FANK1: variants seen among roughly 807,000 people sequenced by gnomAD.
The protein encoded by FANK1 is fibronectin type III and ankyrin repeat domains 1.
A neutral mutation model predicts 45.3 loss-of-function variants in FANK1; 44 were observed. The ratio of observed to expected loss-of-function variants is 0.97; its 90% CI spans 0.76 to 1.25. FANK1 has a LOEUF of 1.25. Among genes scored for constraint, FANK1 ranks in the 50% most tolerant of loss-of-function variants. FANK1 has a pLI of 0.00. For missense variants in FANK1, 391 were observed against 424.4 expected, an observed-to-expected ratio of 0.92 and a Z score of 0.69; for synonymous variants, 149 against 152.5, an observed-to-expected ratio of 0.98 and a Z score of 0.17.
At chr10:125,987,907 G>C (rs1457296247) in intron 2 of FANK1, among the ~76,000 whole-genome samples, 2 of 152,180 alleles carry the variant, frequency 1.3e-5, no homozygotes, top group Non-Finnish European at 2.9e-5. Context: ...ACTTCCCTCT[G>C]GAGGTGTGTG....
intron 1 of FANK1, among the ~76,000 whole-genome samples, chr10:125,897,797 T>C (rs2134094786): frequency 6.6e-6 from 1 of 152,306 alleles, no homozygotes; most frequent in Non-Finnish European, 1.5e-5. Context: ...TTTTGTTTTA[T>C]GTCAAACTGA....
At chr10:125,971,953 C>T (rs1950549384) in intron 1 of FANK1, among the ~76,000 whole-genome samples, 1 of 152,062 alleles carries the variant, frequency 6.6e-6, no homozygotes, top group African/African-American at 2.4e-5. Context: ...TATATCTCTA[C>T]TCTTAAGAGG....
chr10:125,967,436 GTC>G (rs1193931080), intron 1 of FANK1, among the ~76,000 whole-genome samples: 1 of 152,182 alleles, frequency 6.6e-6, no homozygotes, highest in Non-Finnish European at 1.5e-5. Context: ...CTCATACAAA[GTC>G]TTGTGAAAAC....
At chr10:125,962,886 T>TA (rs1564918330) in intron 1 of FANK1, among the ~76,000 whole-genome samples, 1 of 152,148 alleles carries the variant, frequency 6.6e-6, no homozygotes, top group Non-Finnish European at 1.5e-5. Flanking sequence ...AATTCTCACA[T>TA]AATTTGCACC....
chr10:125,962,735 C>T (rs181071408), intron 1 of FANK1, among the ~76,000 whole-genome samples: 1 of 152,124 alleles, frequency 6.6e-6, no homozygotes, highest in East Asian at 1.9e-4. Context: ...CTAATTGTGT[C>T]ATAGATGTCA....
intron 1 of FANK1, among the ~76,000 whole-genome samples, chr10:125,953,684 T>G (rs1015023906): frequency 3.9e-5 from 6 of 152,154 alleles, no homozygotes; most frequent in African/African-American, 1.4e-4. Flanking sequence ...CTAAGTTGTA[T>G]TTTTTTCATT....
At chr10:125,985,907 T>C (rs1041250312) in intron 2 of FANK1, among the ~76,000 whole-genome samples, 2 of 152,174 alleles carry the variant, frequency 1.3e-5, no homozygotes, top group African/African-American at 4.8e-5. Context: ...ACTGTCTTAC[T>C]AGGTGGCCTC....
At position 125,920,667 on chromosome 10, in the gene FANK1, A is replaced by C. The variant is rs563539487; in HGVS notation, c.13+24012A>C. 3.9e-5 allele frequency among the ~76,000 whole-genome samples: 6 copies of C among 152,354 alleles called. No individual in the cohort carries two copies. The South Asian group carries it at 1.2e-3, about 32-fold the overall frequency. ...CAGCCGCTGTAGCTGCTGTTGACCC[A>C]GAGGAACCACTGGGATCCTCACATC... On this transcript the variant is annotated intron_variant, in intron 1 of 10. Coordinates refer to ENST00000368693, the MANE Select transcript of FANK1 (RefSeq NM_145235.5).
intron 1 of FANK1, among the ~76,000 whole-genome samples, chr10:125,912,443 AGT>A (rs60956003): frequency 0.12 from 17,537 of 146,770 alleles, 1,233 homozygotes; most frequent in Admixed American, 0.25. Flanking sequence ...GCACCACCAA[AGT>A]GTGTGTGTGT....
intron 2 of FANK1, chr10:125,980,664 G>A (rs190640278): frequency 1.8e-5 from 5 of 273,514 alleles, no homozygotes; most frequent in East Asian, 1.0e-4. Flanking sequence ...GTTCACTGAC[G>A]TGGAATGGCC....
chr10:126,005,977 T>G (rs926666559), intron 7 of FANK1, among the ~76,000 whole-genome samples: 1 of 152,224 alleles, frequency 6.6e-6, no homozygotes, highest in African/African-American at 2.4e-5. Context: ...CTATAGATAT[T>G]TGAAGATGGG....
At chr10:125,971,512 T>C (rs1950511564) in intron 1 of FANK1, among the ~76,000 whole-genome samples, 1 of 152,034 alleles carries the variant, frequency 6.6e-6, no homozygotes, top group Non-Finnish European at 1.5e-5. Context: ...CCAAGTTTTC[T>C]TGATCATTTA....
chr10:125,926,316 GT>G (rs539590257), intron 1 of FANK1, among the ~76,000 whole-genome samples: 2 of 151,438 alleles, frequency 1.3e-5, no homozygotes, highest in South Asian at 4.2e-4. Context: ...TGCACTTTTA[GT>G]TTTTTTTGTG....
At chr10:125,970,306 C>T (rs571959379) in intron 1 of FANK1, among the ~76,000 whole-genome samples, 24 of 151,510 alleles carry the variant, frequency 1.6e-4, no homozygotes, top group African/African-American at 2.2e-4. Context: ...GCCTCCCAGA[C>T]GGGGCGGCGG....
At chr10:125,936,856 T>C (rs1024615199) in intron 1 of FANK1, among the ~76,000 whole-genome samples, 3 of 151,922 alleles carry the variant, frequency 2.0e-5, no homozygotes, top group Admixed American at 1.3e-4. Context: ...TCACCCGAGG[T>C]TGGGAGTTGG....
chr10:125,918,275 G>A (rs1282992991), intron 1 of FANK1, among the ~76,000 whole-genome samples: 9 of 151,514 alleles, frequency 5.9e-5, no homozygotes, highest in Admixed American at 2.0e-4. Context: ...GGTTAAAATC[G>A]GGCTGGGCAC....
Position 125,996,617 on chromosome 10 carries a change from T to C in FANK1, c.466T>C (p.Tyr156His), listed in dbSNP as rs1360054468. 6.2e-7 allele frequency: 1 copy of C among 1,613,952 alleles called. No individual in the cohort carries two copies. Among genetic ancestry groups the C allele is most frequent in the Non-Finnish European group, 8.5e-7 (1 of 1,179,914 alleles). The change falls in exon 5 of 11, where the codon TAC becomes CAC. Residue 156 changes from tyrosine (Y) to histidine (H), a missense_variant. By Grantham distance (83) the Tyr-to-His change is moderately conservative. Transcript: ENST00000368693. ...TCTGATGGTTGCTGCCCAGAAAGGATACACCAGGTATGGCTCTTCTTTTTT... is the reference window on the plus strand; with the variant it reads ...TCTGATGGTTGCTGCCCAGAAAGGACACACCAGGTATGGCTCTTCTTTTTT... ...TALMVAAQKG[Y>H]TRLVKILVSN...
At chr10:125,975,123 T>C (rs1950776770) in intron 1 of FANK1, among the ~76,000 whole-genome samples, 1 of 152,234 alleles carries the variant, frequency 6.6e-6, no homozygotes, top group Non-Finnish European at 1.5e-5. Flanking sequence ...TGCATTAGAT[T>C]GCTAAAGATG....
chr10:125,981,886 T>C (rs969092751), intron 2 of FANK1, among the ~76,000 whole-genome samples: 3 of 152,334 alleles, frequency 2.0e-5, no homozygotes, highest in Admixed American at 6.5e-5. Context: ...GATATGTTTA[T>C]GTGTATGTGT....
Sources: allele counts gnomAD v4.1 joint callset (sites outside exome capture counted in the v4.1 genomes callset), GRCh38; gene constraint gnomAD v4.1.1; transcripts MANE v1.5; gene names NCBI Gene and HGNC (gene_info 2026-07-23, HGNC 2026-07-21).